ZNF385C: variants seen among roughly 807,000 people sequenced by gnomAD.
ZNF385C encodes the protein CTD-2132N18.2.
Under a neutral mutation model 35.4 loss-of-function variants are expected in ZNF385C, and 28 were observed. The ratio of observed to expected loss-of-function variants is 0.79; its 90% CI spans 0.59 to 1.08. The LOEUF is 1.08. Ranked by LOEUF, ZNF385C falls within the 50% of genes least tolerant of loss-of-function variation. The pLI is 0.00. For synonymous variants in ZNF385C, 248 were observed against 248.2 expected (o/e 1.00, Z 0.01); for missense variants, 605 against 595.6 (o/e 1.02, Z -0.16).
intron 5 of ZNF385C, among the ~76,000 whole-genome samples, chr17:42,029,633 G>C (rs1322735228): frequency 6.6e-6 from 1 of 152,124 alleles, no homozygotes; most frequent in Non-Finnish European, 1.5e-5. Context: ...AGAATCGCTT[G>C]AACCTGCAAG....
At chr17:42,063,347 G>A (rs2053493967) in intron 1 of ZNF385C, among the ~76,000 whole-genome samples, 1 of 152,128 alleles carries the variant, frequency 6.6e-6, no homozygotes, top group South Asian at 2.1e-4. Context: ...TGACCAACAT[G>A]GTGAAACCCT....
chr17:42,040,337 T>G, intron 2 of ZNF385C: 1 of 1,231,796 alleles, frequency 8.1e-7, no homozygotes, highest in Non-Finnish European at 1.0e-6. Context: ...CAGCGTCCGC[T>G]GCTGGCGTCA....
chr17:42,067,882 C>A (rs1355217438), intron 1 of ZNF385C, among the ~76,000 whole-genome samples: 1 of 152,208 alleles, frequency 6.6e-6, no homozygotes, highest in Non-Finnish European at 1.5e-5. Context: ...GCCCCGCCAG[C>A]ATGGGGACAG....
Position 42,027,072 on chromosome 17 carries a change from G to T in ZNF385C, c.1337C>A (p.Pro446Gln), listed in dbSNP as rs140191889. 18 of 1,611,186 alleles carry T rather than the reference G, an allele frequency of 1.1e-5. No homozygotes were observed. The highest frequency in any genetic ancestry group is 8.4e-5 in the Admixed American group (5 of 59,730). ...GATGGCAGTGGCTGCGGTGGGGAGC[G>T]GGCTGGGCAGGAAGCGGGCTGCCAA... ...KTLAARFLPS[P>Q]LPTAATAICA... Residue 446 changes from proline (P) to glutamine (Q), a missense_variant, in exon 9 of 9, where the codon CCG becomes CAG. Transcript: ENST00000692273.
intron 1 of ZNF385C, among the ~76,000 whole-genome samples, chr17:42,068,181 G>T (rs1555658573): frequency 6.6e-6 from 1 of 152,106 alleles, no homozygotes; most frequent in African/African-American, 2.4e-5. Context: ...AGTGACGGGG[G>T]CACACAGGTC....
At chr17:42,064,236 C>T (rs371105729) in intron 1 of ZNF385C, among the ~76,000 whole-genome samples, 17 of 152,324 alleles carry the variant, frequency 1.1e-4, no homozygotes, top group African/African-American at 2.9e-4. Flanking sequence ...CTGCCTCTAA[C>T]CATTTCTATT....
intron 5 of ZNF385C, 64 bp from the exon 6 acceptor site, chr17:42,029,137 GA>G (rs2052670340): frequency 6.7e-7 from 1 of 1,488,260 alleles, no homozygotes; most frequent in Non-Finnish European, 9.0e-7. Context: ...CTTCAGCTCT[GA>G]CCATGGAGGT....
At chr17:42,061,069 C>T (rs2053452718) in intron 2 of ZNF385C, among the ~76,000 whole-genome samples, 1 of 152,152 alleles carries the variant, frequency 6.6e-6, no homozygotes, top group African/African-American at 2.4e-5. Context: ...TATCTTGGAA[C>T]AAACTCATCT....
intron 6 of ZNF385C, among the ~76,000 whole-genome samples, 160 bp from the exon 7 acceptor site, chr17:42,028,406 T>C (rs2052647926): frequency 6.6e-6 from 1 of 152,230 alleles, no homozygotes; most frequent in Non-Finnish European, 1.5e-5. Flanking sequence ...TCCCAGCTTC[T>C]GTCCTTTCAT....
chr17:42,047,888 C>T (rs1437002788), intron 2 of ZNF385C, among the ~76,000 whole-genome samples: 2 of 151,634 alleles, frequency 1.3e-5, no homozygotes, highest in East Asian at 2.0e-4. Flanking sequence ...CTCCTGACCT[C>T]GTGATCTGCC....
intron 2 of ZNF385C, chr17:42,061,835 C>T (rs1350757526): frequency 6.5e-6 from 1 of 152,948 alleles, no homozygotes; most frequent in African/African-American, 2.4e-5. Context: ...AACCCTTATC[C>T]CTTTTCACAT....
At chr17:42,030,609 C>T (rs1015219404) in intron 5 of ZNF385C, among the ~76,000 whole-genome samples, 1 of 152,186 alleles carries the variant, frequency 6.6e-6, no homozygotes, top group Non-Finnish European at 1.5e-5. Flanking sequence ...AAGTCAGGAT[C>T]GTATTTACCA....
At chr17:42,070,276 G>A (rs1555658689) in intron 1 of ZNF385C, among the ~76,000 whole-genome samples, 2 of 150,778 alleles carry the variant, frequency 1.3e-5, no homozygotes, top group East Asian at 3.9e-4. Flanking sequence ...CCCGGGAGGC[G>A]GAGCTTGCAG....
intron 1 of ZNF385C, among the ~76,000 whole-genome samples, chr17:42,096,921 T>C (rs2053923151): frequency 6.8e-6 from 1 of 147,738 alleles, no homozygotes; most frequent in Non-Finnish European, 1.5e-5. Context: ...GGGGGCAGGT[T>C]CCCCCTGGTA....
chr17:42,048,826 G>T (rs1400709403), intron 2 of ZNF385C, among the ~76,000 whole-genome samples: 1 of 151,866 alleles, frequency 6.6e-6, no homozygotes, highest in Admixed American at 6.6e-5. Context: ...CTGCACACTG[G>T]GTTTCCATTC....
At chr17:42,096,994 A>C (rs1555661008) in intron 1 of ZNF385C, among the ~76,000 whole-genome samples, 1 of 144,800 alleles carries the variant, frequency 6.9e-6, no homozygotes, top group Non-Finnish European at 1.5e-5. Context: ...AAAAAAAAAA[A>C]CCCTTCCACT....
chr17:42,075,682 G>C (rs1427618931), intron 1 of ZNF385C, among the ~76,000 whole-genome samples: 1 of 152,018 alleles, frequency 6.6e-6, no homozygotes, highest in Non-Finnish European at 1.5e-5. Flanking sequence ...TTTTAGTAGA[G>C]ACAGGGTTTC....
intron 2 of ZNF385C, among the ~76,000 whole-genome samples, chr17:42,052,249 T>C (rs1384327617): frequency 1.3e-5 from 2 of 152,152 alleles, no homozygotes; most frequent in Non-Finnish European, 2.9e-5. Flanking sequence ...AGAAATCTTA[T>C]GAAATAACAT....
intron 1 of ZNF385C, among the ~76,000 whole-genome samples, chr17:42,072,481 C>A (rs1344454869): frequency 3.3e-5 from 5 of 152,136 alleles, no homozygotes; most frequent in Admixed American, 2.6e-4. Flanking sequence ...CGGGCCCCCT[C>A]CCGCCGGCTC....
Sources: allele counts gnomAD v4.1 joint callset (sites outside exome capture counted in the v4.1 genomes callset), GRCh38; gene constraint gnomAD v4.1.1; transcripts MANE v1.5; gene names NCBI Gene and HGNC (gene_info 2026-07-23, HGNC 2026-07-21).